The following CYYR1 variants were observed in gnomAD, a reference collection of about 807,000 sequenced individuals.
CYYR1 encodes the protein cysteine and tyrosine-rich protein 1.
In CYYR1, 14 loss-of-function variants were observed where a neutral mutation model predicts 15.2. The observed-to-expected ratio is 0.92, with a 90% CI of 0.61 to 1.44. CYYR1 has a LOEUF of 1.44. CYYR1 is among the 40% of genes most tolerant of loss of function. The pLI is 0.00. For missense variants in CYYR1, 228 were observed against 209.5 expected (o/e 1.09, Z -0.54); for synonymous variants, 80 against 77.4 (o/e 1.03, Z -0.18).
chr21:26,556,298 T>C (rs553738767), intron 2 of CYYR1, among the ~76,000 whole-genome samples: 28 of 152,300 alleles, frequency 1.8e-4, no homozygotes, highest in Admixed American at 1.8e-3. Flanking sequence ...AATTGATCTG[T>C]GTTTAAATAA....
intron 2 of CYYR1, among the ~76,000 whole-genome samples, chr21:26,549,107 AAC>A (rs941335215): frequency 1.3e-5 from 2 of 152,174 alleles, no homozygotes. Flanking sequence ...GACTAATTGA[AAC>A]ACATAGGGGT....
intron 2 of CYYR1, chr21:26,506,614 T>C (rs925322628): frequency 1.3e-5 from 2 of 152,220 alleles, no homozygotes; most frequent in African/African-American, 2.4e-5. Context: ...TCAGTGTTTT[T>C]GGTATGAAGA....
intron 2 of CYYR1, among the ~76,000 whole-genome samples, chr21:26,536,387 T>C (rs1454260493): frequency 6.6e-6 from 1 of 152,196 alleles, no homozygotes; most frequent in Non-Finnish European, 1.5e-5. Flanking sequence ...GGTATGTTTA[T>C]AGTCTGTGTG....
intron 2 of CYYR1, among the ~76,000 whole-genome samples, chr21:26,498,779 GTTC>G (rs1311345075): frequency 6.6e-6 from 1 of 152,130 alleles, no homozygotes; most frequent in African/African-American, 2.4e-5. Context: ...AAGCAAACAC[GTTC>G]TTCTTCACAT....
At chr21:26,512,316 G>A (rs1465834391) in intron 2 of CYYR1, among the ~76,000 whole-genome samples, 1 of 151,640 alleles carries the variant, frequency 6.6e-6, no homozygotes, top group Admixed American at 6.6e-5. Context: ...CTCCTGCCTC[G>A]GCCTCCCAAG....
At chr21:26,529,365 CAG>C (rs3085028) in intron 2 of CYYR1, among the ~76,000 whole-genome samples, 11,296 of 152,186 alleles carry the variant, frequency 0.074, 446 homozygotes, top group African/African-American at 0.089. Context: ...CTTTTATAAA[CAG>C]AGTCACATAT....
chr21:26,534,803 G>T (rs2065975043), intron 2 of CYYR1, among the ~76,000 whole-genome samples: 1 of 152,088 alleles, frequency 6.6e-6, no homozygotes, highest in African/African-American at 2.4e-5. Context: ...AGATGCATTT[G>T]TTAAACTCTC....
chr21:26,572,920 G>C lies in CYYR1; in HGVS notation c.21C>G (p.Pro7=), dbSNP rs373284632. MDAPRL[P]VRPGVLLPKL... ...TCGGAAGCAAGACCCCTGGACGCAC[G>C]GGTAGCCTCGGAGCGTCCATCCAAG... Residue 7 remains proline (P), a synonymous_variant, in exon 1 of 4, where the codon CCC becomes CCG. Coordinates refer to ENST00000652641, the MANE Select transcript of CYYR1 (RefSeq NM_001320768.2). 1.2e-5 allele frequency: 19 copies of C among 1,613,922 alleles called. No individual in the cohort carries two copies. Among genetic ancestry groups the C allele is most frequent in the South Asian group, 2.2e-5 (2 of 91,078 alleles).
chr21:26,498,325 C>T lies in CYYR1; in HGVS notation c.177-17896G>A, dbSNP rs774003945. Among the ~76,000 whole-genome samples the T allele has an allele frequency of 3.3e-5, 5 of 152,092 alleles. No homozygotes were observed. In the South Asian group the frequency reaches 6.2e-4, roughly 19 times the overall value. ...TGACCTTGTCTTTCTTATAGGATCA[C>T]GTCCAAATTGTAAAGATGTTAAGGA... On this transcript the variant is annotated intron_variant, in intron 2 of 3. Coordinates refer to ENST00000652641, the MANE Select transcript of CYYR1 (RefSeq NM_001320768.2).
intron 3 of CYYR1, among the ~76,000 whole-genome samples, chr21:26,473,940 T>A (rs1343365369): frequency 2.0e-5 from 3 of 152,190 alleles, no homozygotes; most frequent in Non-Finnish European, 4.4e-5. Context: ...AGGCTGTTCA[T>A]AATCTTCATA....
intron 2 of CYYR1, among the ~76,000 whole-genome samples, chr21:26,490,516 A>G (rs1328946903): frequency 1.3e-5 from 2 of 152,198 alleles, no homozygotes; most frequent in Non-Finnish European, 1.5e-5. Flanking sequence ...ATACTCAGCA[A>G]AAGAGAATTG....
intron 2 of CYYR1, chr21:26,564,848 GAAA>G: frequency 8.7e-7 from 1 of 1,145,624 alleles, no homozygotes; most frequent in Non-Finnish European, 1.1e-6. Context: ...GACAGTTTGA[GAAA>G]AAAAAAATTT....
At chr21:26,522,082 G>C (rs1229329663) in intron 2 of CYYR1, among the ~76,000 whole-genome samples, 1 of 152,130 alleles carries the variant, frequency 6.6e-6, no homozygotes, top group Non-Finnish European at 1.5e-5. Context: ...GTGCCTTCTT[G>C]AACAAAGATT....
chr21:26,556,628 C>T (rs191476384), intron 2 of CYYR1, among the ~76,000 whole-genome samples: 1 of 152,176 alleles, frequency 6.6e-6, no homozygotes, highest in East Asian at 1.9e-4. Flanking sequence ...CACGTCCTCA[C>T]ATGGCCAGAG....
Position 26,468,436 on chromosome 21 carries a change from T to C in CYYR1, c.*65A>G. 9.6e-7 allele frequency: 1 copy of C among 1,043,952 alleles called. No homozygotes were observed. Among genetic ancestry groups the C allele is most frequent in the Non-Finnish European group, 1.5e-6 (1 of 659,334 alleles). The allele number at this position is 1,043,952 out of a possible 1,614,324, so 64.7% of individuals were successfully genotyped here. On this transcript the variant is annotated 3_prime_UTR_variant, in exon 4 of 4. Transcript: ENST00000652641. The stretch of plus-strand genomic sequence containing the variant: ...GGAGCAATTCTTTCCTGCCTGTTTC[T>C]GAGTAGAGGCATTTTATTCCAGGCA...
In CYYR1 at chr21:26,567,572, G is replaced by A. The variant is rs562139231; in HGVS notation, c.74-1204C>T. On this transcript the variant is annotated intron_variant, in intron 1 of 3. Coordinates refer to ENST00000652641, the MANE Select transcript of CYYR1 (RefSeq NM_001320768.2). The stretch of plus-strand genomic sequence containing the variant: ...AGTTATGATGGATATATAAGTTTCA[G>A]ATACATGATTAGGAAAACATTAAGT... 2.0e-5 allele frequency among the ~76,000 whole-genome samples: 3 copies of A among 152,134 alleles called. No individual in the cohort carries two copies. The East Asian group carries it at 5.8e-4, about 29-fold the overall frequency.
chr21:26,499,216 G>GTTCA (rs2065447753), intron 2 of CYYR1, among the ~76,000 whole-genome samples: 1 of 152,134 alleles, frequency 6.6e-6, no homozygotes, highest in Non-Finnish European at 1.5e-5. Context: ...GAGGTGTAGG[G>GTTCA]TTCATACTGG....
chr21:26,516,567 A>C (rs2065729445), intron 2 of CYYR1, among the ~76,000 whole-genome samples: 1 of 152,236 alleles, frequency 6.6e-6, no homozygotes, highest in African/African-American at 2.4e-5. Context: ...GTTTATAGAG[A>C]TCTCCCAAAA....
chr21:26,556,674 T>G (rs981703124), intron 2 of CYYR1, among the ~76,000 whole-genome samples: 20 of 152,056 alleles, frequency 1.3e-4, no homozygotes, highest in Middle Eastern at 3.4e-3. Context: ...GCTACACACT[T>G]TTAAACAACC....
Sources: gnomAD v4.1 joint callset for allele counts (sites outside exome capture counted in the v4.1 genomes callset) on GRCh38, gnomAD v4.1.1 for gene constraint, MANE v1.5 for transcripts, NCBI Gene and HGNC (gene_info 2026-07-23, HGNC 2026-07-21) for gene names.